Variants in GALNTL6 observed in about 807,000 individuals in gnomAD.
The protein encoded by GALNTL6 is polypeptide N-acetylgalactosaminyltransferase-like 6.
In GALNTL6, 46 loss-of-function variants were observed where a neutral mutation model predicts 73.7. That is an observed-to-expected ratio of 0.62 (90% CI 0.49 to 0.80). The LOEUF (loss-of-function observed/expected upper bound fraction) is 0.80, where lower values mean the gene tolerates loss of function less well. Among genes scored for constraint, GALNTL6 ranks in the 30% least tolerant of loss-of-function variants. The probability of loss-of-function intolerance (pLI) is 0.00; values close to 1 mark genes in which losing one functional copy is unlikely to be tolerated. For missense variants in GALNTL6, 604 were observed against 755.0 expected, an observed-to-expected ratio of 0.80 and a Z score of 2.34; for synonymous variants, 259 against 263.7, an observed-to-expected ratio of 0.98 and a Z score of 0.17.
At chr4:171,939,041 T>C (rs1411721225) in intron 2 of GALNTL6, among the ~76,000 whole-genome samples, 4 of 151,516 alleles carry the variant, frequency 2.6e-5, no homozygotes, top group Non-Finnish European at 5.9e-5. Context: ...TTGATCTCAA[T>C]CTCCTGAACA....
At chr4:172,177,701 T>A (rs1052174540) in intron 2 of GALNTL6, among the ~76,000 whole-genome samples, 1 of 129,192 alleles carries the variant, frequency 7.7e-6, no homozygotes, top group Admixed American at 8.0e-5. Context: ...CTAATAGTAA[T>A]ATATATGTTT....
chr4:172,125,118 G>T (rs916738476), intron 2 of GALNTL6, among the ~76,000 whole-genome samples: 2 of 152,076 alleles, frequency 1.3e-5, no homozygotes, highest in African/African-American at 4.8e-5. Context: ...GGGAGAAAGA[G>T]GAAGAACAAA....
At position 172,319,554 on chromosome 4, in the gene GALNTL6, C is replaced by T. The variant is rs186145172; in HGVS notation, c.386+7802C>T. Among the ~76,000 whole-genome samples the T allele has an allele frequency of 8.3e-4, 127 of 152,174 alleles. 2 individuals carry two copies. In the South Asian group the frequency reaches 0.016, roughly 20 times the overall value. On this transcript the variant is annotated intron_variant, in intron 4 of 12. Coordinates refer to ENST00000506823, the MANE Select transcript of GALNTL6 (RefSeq NM_001034845.3). ...TGTACTTGATTTTACAGAAGAAAAA[C>T]TGTCTCTATAAATTTTATTTTAAAT...
intron 2 of GALNTL6, among the ~76,000 whole-genome samples, chr4:172,189,464 AGACTTT>A (rs1257437838): frequency 5.1e-4 from 78 of 152,280 alleles, no homozygotes; most frequent in African/African-American, 1.9e-3. Flanking sequence ...AACAAAATGA[AGACTTT>A]CAGTTTGGGG....
intron 10 of GALNTL6, among the ~76,000 whole-genome samples, chr4:172,972,971 T>A (rs1051798711): frequency 3.9e-5 from 6 of 152,110 alleles, no homozygotes; most frequent in African/African-American, 1.2e-4. Flanking sequence ...AAATTGAGAT[T>A]TAAAGGGAAA....
chr4:172,568,517 G>A (rs566856463), intron 5 of GALNTL6, among the ~76,000 whole-genome samples: 146 of 152,136 alleles, frequency 9.6e-4, no homozygotes, highest in Non-Finnish European at 1.8e-3. Flanking sequence ...AGCACTTTGG[G>A]AGGCCGAGGC....
chr4:172,017,747 C>A (rs1308649024), intron 2 of GALNTL6, among the ~76,000 whole-genome samples: 7 of 152,054 alleles, frequency 4.6e-5, no homozygotes, highest in Admixed American at 4.6e-4. Context: ...GTTGGCATTT[C>A]CTAAGAGCCA....
intron 7 of GALNTL6, among the ~76,000 whole-genome samples, chr4:172,832,327 A>G (rs553977479): frequency 6.0e-4 from 92 of 152,314 alleles, no homozygotes; most frequent in African/African-American, 2.1e-3. Flanking sequence ...GATTTCACAC[A>G]GAGACAGAAA....
chr4:172,743,085 C>T (rs1317026594), intron 5 of GALNTL6, among the ~76,000 whole-genome samples: 1 of 152,040 alleles, frequency 6.6e-6, no homozygotes, highest in Non-Finnish European at 1.5e-5. Flanking sequence ...AGAAGTAGTT[C>T]TCCAAAGGAA....
intron 2 of GALNTL6, among the ~76,000 whole-genome samples, chr4:172,130,181 ATTT>A (rs34151025): frequency 1.4e-4 from 18 of 130,216 alleles, no homozygotes; most frequent in Admixed American, 1.5e-4. Context: ...TCATTACAGA[ATTT>A]TTTTTTTTTT....
At position 172,708,000 on chromosome 4, in the gene GALNTL6, A is replaced by G. The variant is rs1257104353; in HGVS notation, c.554-101361A>G. Among the ~76,000 whole-genome samples the G allele has an allele frequency of 2.6e-5, 4 of 152,154 alleles. No individual in the cohort carries two copies. The East Asian group carries it at 7.7e-4, about 29-fold the overall frequency. ...AAAGAAACCTGACTAAAGTTTGGTC[A>G]AGGATAGATCCTTGTCACTTGGCTT... On this transcript the variant is annotated intron_variant, in intron 5 of 12. Coordinates refer to ENST00000506823, the MANE Select transcript of GALNTL6 (RefSeq NM_001034845.3).
chr4:172,272,246 C>T (rs968296232), intron 3 of GALNTL6, among the ~76,000 whole-genome samples: 1 of 152,202 alleles, frequency 6.6e-6, no homozygotes, highest in Non-Finnish European at 1.5e-5. Flanking sequence ...TGAGCCACTG[C>T]ACCCGGCCCC....
At chr4:172,563,068 A>T (rs1736433460) in intron 5 of GALNTL6, among the ~76,000 whole-genome samples, 2 of 152,180 alleles carry the variant, frequency 1.3e-5, no homozygotes, top group African/African-American at 4.8e-5. Context: ...GCTTTCCGTG[A>T]TCCTACCTGA....
chr4:172,535,632 C>A (rs1007929458), intron 5 of GALNTL6, among the ~76,000 whole-genome samples: 2 of 152,078 alleles, frequency 1.3e-5, no homozygotes, highest in Admixed American at 1.3e-4. Flanking sequence ...GAAGATAATA[C>A]ACAATACACA....
At chr4:172,258,426 A>G (rs1738155423) in intron 3 of GALNTL6, among the ~76,000 whole-genome samples, 1 of 151,222 alleles carries the variant, frequency 6.6e-6, no homozygotes, top group South Asian at 2.1e-4. Flanking sequence ...ATGTGAGACA[A>G]TGTTTTTCAT....
intron 2 of GALNTL6, among the ~76,000 whole-genome samples, chr4:172,048,964 A>G (rs1308348322): frequency 6.6e-6 from 1 of 152,160 alleles, no homozygotes; most frequent in Admixed American, 6.6e-5. Flanking sequence ...AGTTTATAAT[A>G]GGAAGCTTGA....
At chr4:171,951,795 A>G (rs1029477056) in intron 2 of GALNTL6, among the ~76,000 whole-genome samples, 1 of 152,068 alleles carries the variant, frequency 6.6e-6, no homozygotes, top group Non-Finnish European at 1.5e-5. Context: ...GCTAAATTAT[A>G]CACTTCTACT....
chr4:171,865,525 A>T (rs562134505), intron 2 of GALNTL6, among the ~76,000 whole-genome samples: 6 of 152,312 alleles, frequency 3.9e-5, no homozygotes, highest in Admixed American at 6.5e-5. Flanking sequence ...TTGCTAAATG[A>T]TTTTTTTAGA....
intron 5 of GALNTL6, among the ~76,000 whole-genome samples, chr4:172,775,289 C>T (rs1189113743): frequency 6.6e-6 from 1 of 152,102 alleles, no homozygotes; most frequent in Non-Finnish European, 1.5e-5. Context: ...TTTAATTTGT[C>T]TTGATGGAAT....
Sources: allele counts gnomAD v4.1 joint callset (sites outside exome capture counted in the v4.1 genomes callset), GRCh38; gene constraint gnomAD v4.1.1; transcripts MANE v1.5; gene names NCBI Gene and HGNC (gene_info 2026-07-23, HGNC 2026-07-21).